The following FTO variants were observed in gnomAD, a reference collection of about 807,000 sequenced individuals.
FTO encodes the protein alpha-ketoglutarate-dependent dioxygenase FTO.
In FTO, 47 loss-of-function variants were observed where a neutral mutation model predicts 63.9. That is an observed-to-expected ratio of 0.74 (90% confidence interval 0.58 to 0.94). The LOEUF is 0.94. Ranked by LOEUF, FTO falls within the 40% of genes least tolerant of loss-of-function variation. The pLI is 0.00. For missense variants in FTO, 562 were observed against 618.1 expected (o/e 0.91, Z 0.96); for synonymous variants, 207 against 224.4 (o/e 0.92, Z 0.69).
chr16:54,009,320 A>G (rs187733744), intron 8 of FTO, among the ~76,000 whole-genome samples: 18 of 152,320 alleles, frequency 1.2e-4, no homozygotes, highest in Admixed American at 1.1e-3. Flanking sequence ...TATTATTCTT[A>G]CAACTTCTCT....
At position 53,885,166 on chromosome 16, in the gene FTO, A is replaced by G. The variant is rs145122663; in HGVS notation, c.1120-3666A>G. On this transcript the variant is annotated intron_variant, in intron 6 of 8. Coordinates refer to ENST00000471389, the MANE Select transcript of FTO (RefSeq NM_001080432.3). ...GCGTTCTGACTCTTTGGTTTTGTGCAGTGTCCATGCTGTAGCTTTCCTTCC... is the reference window on the plus strand; with the variant it reads ...GCGTTCTGACTCTTTGGTTTTGTGCGGTGTCCATGCTGTAGCTTTCCTTCC... 6.2e-3 allele frequency among the ~76,000 whole-genome samples: 942 copies of G among 152,326 alleles called. 13 individuals are homozygous for G. Among genetic ancestry groups the G allele is most frequent in the African/African-American group, 0.021 (878 of 41,570 alleles).
chr16:54,070,264 A>G (rs2085837091), intron 8 of FTO: 1 of 152,204 alleles, frequency 6.6e-6, no homozygotes, highest in South Asian at 2.1e-4. Context: ...AGTGTCTAAT[A>G]CATATAAGAT....
chr16:53,800,943 C>A (rs1567305393), intron 1 of FTO, among the ~76,000 whole-genome samples: 1 of 152,054 alleles, frequency 6.6e-6, no homozygotes, highest in African/African-American at 2.4e-5. Context: ...TACAATTTCA[C>A]AATGTCTTGT....
intron 8 of FTO, chr16:54,063,580 A>G (rs1312290902): frequency 6.6e-6 from 1 of 152,122 alleles, no homozygotes; most frequent in Non-Finnish European, 1.5e-5. Flanking sequence ...TATGAAATAG[A>G]TTTGAGGCGA....
intron 1 of FTO, among the ~76,000 whole-genome samples, chr16:53,724,346 C>T (rs1217793403): frequency 6.6e-6 from 1 of 152,194 alleles, no homozygotes; most frequent in Non-Finnish European, 1.5e-5. Context: ...GTGATCAGAG[C>T]TTAAAGGTGT....
chr16:53,777,543 A>C (rs2077489579), intron 1 of FTO, among the ~76,000 whole-genome samples: 1 of 152,208 alleles, frequency 6.6e-6, no homozygotes, highest in Non-Finnish European at 1.5e-5. Context: ...TTTTACATTC[A>C]AATGATTTTG....
intron 8 of FTO, among the ~76,000 whole-genome samples, chr16:54,000,480 G>A (rs1443026109): frequency 6.6e-6 from 1 of 152,158 alleles, no homozygotes; most frequent in African/African-American, 2.4e-5. Flanking sequence ...TGGTCTAACC[G>A]AAGTTGCCAT....
chr16:53,785,420 A>G (rs1225418218), intron 1 of FTO, among the ~76,000 whole-genome samples: 2 of 152,188 alleles, frequency 1.3e-5, no homozygotes, highest in East Asian at 3.8e-4. Flanking sequence ...AAATAAATAA[A>G]CAGAATATAT....
Position 54,115,829 on chromosome 16 carries a change from T to C in FTO, c.*3914T>C, listed in dbSNP as rs747060074. 1 of 152,132 alleles carries C rather than the reference T, an allele frequency of 6.6e-6. No individual in the cohort carries two copies. Among genetic ancestry groups the C allele is most frequent in the Non-Finnish European group, 1.5e-5 (1 of 68,048 alleles). 9.4% of individuals were successfully genotyped at this position (152,132 alleles called of 1,614,324 possible). ...ATCGCTCTATCTGGATTCCAGAGGG[T>C]CTCTGAGAGAGCAAACAGCTTAATC... On this transcript the variant is annotated 3_prime_UTR_variant, in exon 9 of 9. Coordinates refer to ENST00000471389, the MANE Select transcript of FTO (RefSeq NM_001080432.3).
chr16:53,766,656 G>A (rs9939973), intron 1 of FTO, among the ~76,000 whole-genome samples: 63,394 of 152,016 alleles, frequency 0.42, 13,463 homozygotes, highest in Non-Finnish European at 0.44. Flanking sequence ...CATCAAAGAG[G>A]CTGTTGTGGA....
intron 8 of FTO, among the ~76,000 whole-genome samples, chr16:54,088,223 A>G (rs552731174): frequency 5.3e-5 from 8 of 152,346 alleles, no homozygotes; most frequent in Non-Finnish European, 7.3e-5. Context: ...AGTGGTTATT[A>G]TGCCATACAA....
At chr16:54,029,831 T>C (rs1253709769) in intron 8 of FTO, among the ~76,000 whole-genome samples, 2 of 152,200 alleles carry the variant, frequency 1.3e-5, no homozygotes, top group East Asian at 1.9e-4. Flanking sequence ...TTCCTGTCTC[T>C]AGGTAGCAAC....
At position 53,714,699 on chromosome 16, in the gene FTO, A is replaced by G. The variant is rs2151473604; in HGVS notation, c.45+10470A>G. 1.3e-5 allele frequency among the ~76,000 whole-genome samples: 2 copies of G among 152,290 alleles called. 1 individual carries two copies. The highest frequency in any genetic ancestry group is 4.1e-4 in the South Asian group (2 of 4,830). ...TGCGAGCCATTTTTGTTTTAGTTAC[A>G]TTATTGGCTGGTAACACTATTAATG... On this transcript the variant is annotated intron_variant, in intron 1 of 8. Coordinates refer to ENST00000471389, the MANE Select transcript of FTO (RefSeq NM_001080432.3).
At chr16:53,914,239 C>G (rs973397770) in intron 7 of FTO, among the ~76,000 whole-genome samples, 2 of 150,924 alleles carry the variant, frequency 1.3e-5, no homozygotes, top group Non-Finnish European at 2.9e-5. Flanking sequence ...AGAAGAAATA[C>G]TTCTTCTTTC....
intron 8 of FTO, among the ~76,000 whole-genome samples, chr16:54,077,296 A>G (rs2086022393): frequency 6.6e-6 from 1 of 152,230 alleles, no homozygotes; most frequent in Non-Finnish European, 1.5e-5. Flanking sequence ...GGAAATGGAC[A>G]TCACAGATGC....
chr16:53,710,525 A>G (rs2075743287), intron 1 of FTO, among the ~76,000 whole-genome samples: 1 of 151,914 alleles, frequency 6.6e-6, no homozygotes, highest in Non-Finnish European at 1.5e-5. Context: ...GGCCTCCCAA[A>G]GCGTTGGGAT....
chr16:53,844,774 T>C (rs1372637981), intron 4 of FTO, among the ~76,000 whole-genome samples: 1 of 146,006 alleles, frequency 6.8e-6, no homozygotes, highest in East Asian at 2.0e-4. Context: ...TGTTTTTCTT[T>C]TTATTCTACA....
In FTO at chr16:54,119,945, G is replaced by C. The variant is rs1162684281; in HGVS notation, c.*8030G>C. On this transcript the variant is annotated 3_prime_UTR_variant, in exon 9 of 9. Transcript: ENST00000471389. ...TAGTTTTCAAAGAGATGCAGACCCT[G>C]TTCGATTTCCCAAGATTTAGACTGG... 1.3e-5 allele frequency: 2 copies of C among 152,210 alleles called. No homozygotes were observed. Among genetic ancestry groups the C allele is most frequent in the Non-Finnish European group, 2.9e-5 (2 of 68,034 alleles). 9.4% of individuals were successfully genotyped at this position (152,210 alleles called of 1,614,324 possible).
At chr16:54,053,583 C>T (rs974259850) in intron 8 of FTO, among the ~76,000 whole-genome samples, 3 of 152,152 alleles carry the variant, frequency 2.0e-5, no homozygotes, top group Admixed American at 6.5e-5. Flanking sequence ...ATTCCTCAGT[C>T]GGGAATGGTA....
Sources: gnomAD v4.1 joint callset for allele counts (sites outside exome capture counted in the v4.1 genomes callset) on GRCh38, gnomAD v4.1.1 for gene constraint, MANE v1.5 for transcripts, NCBI Gene and HGNC (gene_info 2026-07-23, HGNC 2026-07-21) for gene names.